LMLN: variants seen among roughly 807,000 people sequenced by gnomAD.
LMLN encodes leishmanolysin-like peptidase.
LMLN carries 70 observed loss-of-function variants against 92.3 expected under a neutral mutation model. That is an observed-to-expected ratio of 0.76 (90% CI 0.63 to 0.92). LMLN has a LOEUF of 0.92. LMLN is among the 40% of genes least tolerant of loss of function. The pLI is 0.00. For synonymous variants in LMLN, 308 were observed against 296.2 expected, an observed-to-expected ratio of 1.04 and a Z score of -0.41; for missense variants, 691 against 814.6, an observed-to-expected ratio of 0.85 and a Z score of 1.85.
chr3:197,998,236 A>G (rs1304155309), intron 10 of LMLN, among the ~76,000 whole-genome samples: 2 of 152,206 alleles, frequency 1.3e-5, no homozygotes, highest in South Asian at 2.1e-4. Flanking sequence ...GTATCTTTTT[A>G]TTTTTAGAGA....
chr3:198,029,995 A>G (rs563576363), intron 14 of LMLN, among the ~76,000 whole-genome samples: 6 of 151,794 alleles, frequency 4.0e-5, no homozygotes, highest in East Asian at 1.9e-4. Flanking sequence ...GGCGCCCGCC[A>G]CCATGCCTAG....
chr3:198,030,703 C>G (rs1286503045), intron 14 of LMLN, among the ~76,000 whole-genome samples: 1 of 152,042 alleles, frequency 6.6e-6, no homozygotes, highest in African/African-American at 2.4e-5. Flanking sequence ...CATATTGGAT[C>G]CCCTCCTTCA....
chr3:197,986,543 T>C lies in LMLN; in HGVS notation c.929+653T>C, dbSNP rs1376734273. On this transcript the variant is annotated intron_variant, in intron 8 of 15. Transcript: ENST00000330198. ...ACAGATATAAAGAATTGGATTTTGCTTTAACTGTATTTGGGGAAACTGTTA... is the reference window on the plus strand; with the variant it reads ...ACAGATATAAAGAATTGGATTTTGCCTTAACTGTATTTGGGGAAACTGTTA... Among the ~76,000 whole-genome samples the C allele has an allele frequency of 4.6e-5, 7 of 152,360 alleles. No homozygotes were observed. In the East Asian group the frequency reaches 1.3e-3, roughly 29 times the overall value.
At chr3:197,972,073 AT>A (rs549889818) in intron 1 of LMLN, among the ~76,000 whole-genome samples, 9,874 of 139,080 alleles carry the variant, frequency 0.071, 378 homozygotes, top group African/African-American at 0.11. Flanking sequence ...TTTCTAGTGA[AT>A]TTTTTTTTTT....
chr3:197,984,436 T>C (rs1283255640), intron 7 of LMLN, among the ~76,000 whole-genome samples: 1 of 151,914 alleles, frequency 6.6e-6, no homozygotes, highest in Non-Finnish European at 1.5e-5. Context: ...AAATGAACAA[T>C]ACTGAAAGGC....
exon 9 of LMLN, chr3:197,990,622 A>G (rs968107704): frequency 1.9e-6 from 3 of 1,605,088 alleles, no homozygotes; most frequent in Admixed American, 3.3e-5. Flanking sequence ...GGGATGTTCG[A>G]GATAATAAGA....
In LMLN at chr3:198,029,337, T is replaced by G. The variant is rs6605317; in HGVS notation, c.1656+4549T>G. ...TAAAATTTTAGTTTTGATCAAACTT[T>G]TACATGCAAATAGTTTGAAACAAAT... On this transcript the variant is annotated intron_variant, in intron 14 of 15. Transcript: ENST00000330198. Among the ~76,000 whole-genome samples, 11 of 152,132 alleles carry G rather than the reference T, an allele frequency of 7.2e-5. No homozygotes were observed. In the East Asian group the frequency reaches 1.9e-3, roughly 27 times the overall value.
chr3:197,982,697 CAAAT>C (rs1721594134), intron 6 of LMLN, among the ~76,000 whole-genome samples: 2 of 152,184 alleles, frequency 1.3e-5, no homozygotes, highest in Admixed American at 1.3e-4. Flanking sequence ...AATATTCCTG[CAAAT>C]AAATATGTGA....
intron 1 of LMLN, among the ~76,000 whole-genome samples, chr3:197,972,220 C>G (rs148383642): frequency 0.065 from 9,807 of 151,802 alleles, 377 homozygotes; most frequent in African/African-American, 0.1. Context: ...TGCACCACCA[C>G]GCCTGGCTAA....
intron 14 of LMLN, among the ~76,000 whole-genome samples, chr3:198,026,090 G>A (rs1722924769): frequency 6.6e-6 from 1 of 151,920 alleles, no homozygotes; most frequent in Non-Finnish European, 1.5e-5. Flanking sequence ...GAGAAGCTGG[G>A]ACTACAGGTG....
intron 11 of LMLN, among the ~76,000 whole-genome samples, chr3:198,002,245 A>C (rs1442505290): frequency 6.6e-6 from 1 of 152,062 alleles, no homozygotes; most frequent in Non-Finnish European, 1.5e-5. Flanking sequence ...CTGCCACTTC[A>C]GCCTCTCAGG....
intron 11 of LMLN, among the ~76,000 whole-genome samples, chr3:198,012,652 C>T (rs1311892182): frequency 6.6e-6 from 1 of 151,416 alleles, no homozygotes; most frequent in Non-Finnish European, 1.5e-5. Context: ...TCTCTCCACC[C>T]TTCAGAGTCC....
chr3:198,034,680 G>T (rs1183689515), intron 14 of LMLN, among the ~76,000 whole-genome samples: 2 of 152,088 alleles, frequency 1.3e-5, no homozygotes, highest in African/African-American at 4.8e-5. Context: ...GCATTAATGT[G>T]TTTTCTTTTG....
rs184607021 is a variant in LMLN, at chr3:197,962,395, G to T, written c.219+1955G>T. Among the ~76,000 whole-genome samples the T allele has an allele frequency of 1.4e-3, 215 of 152,130 alleles. 1 individual carries two copies. The highest frequency in any genetic ancestry group is 4.8e-3 in the African/African-American group (201 of 41,502). ...TATCTTGTTCAAAGATGGGTATTTT[G>T]GTTTCTTCCAGATTTTAGCTATTAT... On this transcript the variant is annotated intron_variant, in intron 1 of 15. Coordinates refer to ENST00000330198, the Ensembl canonical transcript of LMLN.
chr3:198,026,128 T>G (rs1722925700), intron 14 of LMLN, among the ~76,000 whole-genome samples: 1 of 152,058 alleles, frequency 6.6e-6, no homozygotes, highest in Admixed American at 6.5e-5. Context: ...CTGATTTTTC[T>G]TATTTTTTGT....
At chr3:198,014,057 C>G (rs553531623) in intron 11 of LMLN, among the ~76,000 whole-genome samples, 1 of 146,186 alleles carries the variant, frequency 6.8e-6, no homozygotes, top group African/African-American at 2.7e-5. Flanking sequence ...TTCTCTGTAC[C>G]CTTCAGAGCC....
At chr3:198,027,477 T>C (rs540689338) in intron 14 of LMLN, among the ~76,000 whole-genome samples, 2 of 152,196 alleles carry the variant, frequency 1.3e-5, no homozygotes, top group East Asian at 3.9e-4. Flanking sequence ...CCACCGAGCG[T>C]CTCAGAAACT....
chr3:198,034,756 A>C (rs1385066815), intron 14 of LMLN, among the ~76,000 whole-genome samples: 1 of 152,250 alleles, frequency 6.6e-6, no homozygotes, highest in Non-Finnish European at 1.5e-5. Flanking sequence ...TTTAAAGATA[A>C]GGTCTGGATA....
intron 11 of LMLN, among the ~76,000 whole-genome samples, chr3:198,005,535 T>C (rs1047063157): frequency 3.3e-5 from 5 of 152,168 alleles, no homozygotes; most frequent in Non-Finnish European, 7.4e-5. Flanking sequence ...ATAGTTGTTA[T>C]ACTATATTGT....
Sources: gnomAD v4.1 joint callset for allele counts (sites outside exome capture counted in the v4.1 genomes callset) on GRCh38, gnomAD v4.1.1 for gene constraint, MANE v1.5 for transcripts, NCBI Gene and HGNC (gene_info 2026-07-23, HGNC 2026-07-21) for gene names.